Variants in TRNT1 observed in about 807,000 individuals in gnomAD.
TRNT1 encodes the protein tRNA nucleotidyl transferase 1, also known as CCA tRNA nucleotidyltransferase 1, mitochondrial.
TRNT1 carries 44 observed loss-of-function variants against 45.6 expected under a neutral mutation model. The ratio of observed to expected loss-of-function variants is 0.97; its 90% confidence interval spans 0.76 to 1.24. The LOEUF (loss-of-function observed/expected upper bound fraction) is 1.24, where lower values mean the gene tolerates loss of function less well. Ranked by LOEUF, TRNT1 falls within the 50% of genes most tolerant of loss-of-function variation. The pLI, the probability that TRNT1 is intolerant of heterozygous loss-of-function variation, is 0.00. For missense variants in TRNT1, 633 were observed against 504.4 expected (o/e 1.25, Z -2.44); for synonymous variants, 201 against 171.4 (o/e 1.17, Z -1.35).
chr3:3,133,907 A>G (rs560910447), intron 2 of TRNT1, among the ~76,000 whole-genome samples: 1 of 152,276 alleles, frequency 6.6e-6, no homozygotes, highest in Non-Finnish European at 1.5e-5. Flanking sequence ...TTAAAGCTGT[A>G]AAGGGAAGAC....
intron 1 of TRNT1, among the ~76,000 whole-genome samples, chr3:3,128,680 TG>T (rs926751209): frequency 4.6e-5 from 7 of 151,362 alleles, no homozygotes; most frequent in African/African-American, 1.5e-4. Context: ...GCAAAACTCT[TG>T]GGGGGCTTTT....
At chr3:3,141,340 TAC>T (rs138920037) in intron 4 of TRNT1, among the ~76,000 whole-genome samples, 4 of 151,756 alleles carry the variant, frequency 2.6e-5, no homozygotes, top group African/African-American at 9.7e-5. Context: ...CACACACATC[TAC>T]ACACACACAC....
rs1425845616 is a variant in TRNT1, at chr3:3,148,502, C to T, written c.*348C>T. ...AGTGGTAACTGTCTTGAAGAAAAAA[C>T]GTTTATTGTTTGTTTGCAATTGAAA... On this transcript the variant is annotated 3_prime_UTR_variant, in exon 8 of 8. Coordinates refer to ENST00000251607, the MANE Select transcript of TRNT1 (RefSeq NM_182916.3). 1.2e-5 allele frequency: 2 copies of T among 161,114 alleles called. No individual in the cohort carries two copies. Among genetic ancestry groups the T allele is most frequent in the Admixed American group, 6.3e-5 (1 of 15,940 alleles). The allele number at this position is 161,114 out of a possible 1,614,324, so 10.0% of individuals were successfully genotyped here.
At chr3:3,144,140 C>T (rs559354539) in intron 4 of TRNT1, among the ~76,000 whole-genome samples, 37 of 152,120 alleles carry the variant, frequency 2.4e-4, no homozygotes, top group Admixed American at 1.3e-4. Context: ...TTTTGTGTTG[C>T]GTTTTCTGTT....
chr3:3,148,911 C>CCTGT lies in TRNT1; in HGVS notation c.*760_*763dup, dbSNP rs761365352. The CCTGT allele has an allele frequency of 9.2e-5, 14 of 151,952 alleles. No homozygotes were observed. The East Asian group carries it at 1.2e-3, about 13-fold the overall frequency. The allele number at this position is 151,952 out of a possible 1,614,324, so 9.4% of individuals were successfully genotyped here. On this transcript the variant is annotated 3_prime_UTR_variant, in exon 8 of 8. Transcript: ENST00000251607. ...AGGTGTCATATACAATGGTAATATG[C>CCTGT]CTGTCTTTAAAGTGTTATTTTATTA...
intron 5 of TRNT1, 36 bp downstream of exon 5, chr3:3,144,746 A>G (rs774374454): frequency 3.4e-6 from 5 of 1,478,758 alleles, no homozygotes; most frequent in Non-Finnish European, 4.6e-6. Context: ...GATAGTTTTA[A>G]TATCATGACT....
At chr3:3,129,305 A>G in intron 2 of TRNT1, 117 bp downstream of exon 2, 2 of 1,030,592 alleles carry the variant, frequency 1.9e-6, no homozygotes, top group Admixed American at 5.1e-5. Flanking sequence ...ATTTTTATTA[A>G]AAAACGTAAG....
Position 3,144,677 on chromosome 3 carries a change from A to C in TRNT1, c.575A>C (p.Gln192Pro), listed in dbSNP as rs982823571. The C allele has an allele frequency of 6.4e-7, 1 of 1,559,028 alleles. No individual in the cohort carries two copies. Among genetic ancestry groups the C allele is most frequent in the Non-Finnish European group, 8.7e-7 (1 of 1,145,206 alleles). The change falls in exon 5 of 8, where the codon CAA (glutamine) becomes CCA (proline). Residue 192 changes from glutamine to proline, a missense_variant. Transcript: ENST00000251607. ...RFVGHAKQRI[Q>P]EDYLRILRYF... is the part of the protein sequence containing the mutation. ...GTTGGACATGCTAAACAGAGAATAC[A>C]AGAGGATTATCTTAGAATTTTAAGA...
chr3:3,129,924 A>G (rs1704898356), intron 2 of TRNT1: 1 of 1,550,612 alleles, frequency 6.4e-7, no homozygotes, highest in Non-Finnish European at 8.7e-7. Context: ...CCTAGGTATA[A>G]ATGCTTTCCA....
chr3:3,143,315 C>A lies in TRNT1; in HGVS notation c.482-1269C>A, dbSNP rs143025247. Among the ~76,000 whole-genome samples, 112 of 152,288 alleles carry A rather than the reference C, an allele frequency of 7.4e-4. 2 individuals carry two copies. The highest frequency in any genetic ancestry group is 3.4e-3 in the Middle Eastern group (1 of 294). On this transcript the variant is annotated intron_variant, in intron 4 of 7. Coordinates refer to ENST00000251607, the MANE Select transcript of TRNT1 (RefSeq NM_182916.3). Reference sequence around the variant, plus strand: ...GGCAAACCAGTATGAAGTGGTCACTCTACTAATTAATACTTGAGGTTTTAT... The same window carrying A: ...GGCAAACCAGTATGAAGTGGTCACTATACTAATTAATACTTGAGGTTTTAT...
chr3:3,130,600 T>G (rs1704956197), intron 2 of TRNT1: 1 of 152,450 alleles, frequency 6.6e-6, no homozygotes, highest in African/African-American at 2.4e-5. Context: ...CAATAGAAAT[T>G]TATGAGCCCA....
In TRNT1 at chr3:3,147,971, C is replaced by T; in HGVS notation, c.1122C>T (p.Leu374=). The part of the protein sequence containing the change: ...ELLKYQGEHC[L]LKEMQQWSIP... ...TGAAGTACCAAGGAGAGCACTGTCT[C>T]CTAAAGGAAATGCAGCAGTGGTCCA... The change falls in exon 8 of 8, where the codon CTC becomes CTT. Residue 374 remains leucine, a synonymous_variant. Transcript: ENST00000251607. 6.2e-7 allele frequency: 1 copy of T among 1,613,986 alleles called. No homozygotes were observed. The highest frequency in any genetic ancestry group is 1.1e-5 in the South Asian group (1 of 91,072).
intron 2 of TRNT1, among the ~76,000 whole-genome samples, chr3:3,132,651 G>A (rs1203374819): frequency 3.7e-5 from 4 of 107,200 alleles, no homozygotes; most frequent in African/African-American, 1.4e-4. Context: ...CCTGCACAAT[G>A]TGCACATGTA....
rs148892095 is a variant in TRNT1, at chr3:3,134,353, G to A, written c.149-2907G>A. On this transcript the variant is annotated intron_variant, in intron 2 of 7. Coordinates refer to ENST00000251607, the MANE Select transcript of TRNT1 (RefSeq NM_182916.3). ...CATATAGACAAATATGCCTTGATAC[G>A]TCTTTCTCAGTTGTCTTAAATGTTA... is the stretch of plus-strand genomic sequence containing the variant. Among the ~76,000 whole-genome samples the A allele has an allele frequency of 7.6e-3, 1,149 of 152,144 alleles. 12 individuals carry two copies. The highest frequency in any genetic ancestry group is 0.026 in the African/African-American group (1,078 of 41,516).
downstream of TRNT1, chr3:3,150,027 A>C (rs1223924485): frequency 6.6e-6 from 1 of 152,138 alleles, no homozygotes; most frequent in Non-Finnish European, 1.5e-5. Flanking sequence ...TTCACACTTA[A>C]GGTTTACTTA....
In TRNT1 at chr3:3,132,588, C is replaced by T. The variant is rs368891323; in HGVS notation, c.148+3400C>T. Among the ~76,000 whole-genome samples, 10 of 98,386 alleles carry T rather than the reference C, an allele frequency of 1.0e-4. No individual in the cohort carries two copies. The East Asian group carries it at 2.2e-3, about 21-fold the overall frequency. 64.5% of individuals were successfully genotyped at this position (98,386 alleles called of 152,430 possible). On this transcript the variant is annotated intron_variant, in intron 2 of 7. Coordinates refer to ENST00000251607, the MANE Select transcript of TRNT1 (RefSeq NM_182916.3). The stretch of plus-strand genomic sequence containing the variant: ...GGGAGATATACCTAATGCTAGATGA[C>T]ACGTTAGTGGGTGCAGCGCACCAGC...
chr3:3,152,169 TAGAC>T (rs1218900023), downstream of TRNT1, among the ~76,000 whole-genome samples: 130 of 108,860 alleles, frequency 1.2e-3, no homozygotes, highest in Admixed American at 2.0e-3. Context: ...TTTTTTTAAA[TAGAC>T]AGATTCTCAC....
chr3:3,151,117 T>C (rs2126047763), downstream of TRNT1: 2 of 1,524,888 alleles, frequency 1.3e-6, no homozygotes, highest in Middle Eastern at 1.7e-4. Context: ...AAACCTATCA[T>C]GAAGACAGAC....
rs771427798 is a variant in TRNT1, at chr3:3,146,595, C to G, written c.774C>G (p.Ile258Met). ...ATGTAAATCATTTGATTCACCTTAT[C>G]TATGATCTTGATGTGGCTCCTTATA... ...GNHVNHLIHL[I>M]YDLDVAPYIG... Residue 258 changes from isoleucine to methionine, a missense_variant, in exon 6 of 8, where the codon ATC becomes ATG. Transcript: ENST00000251607. 1.2e-5 allele frequency: 19 copies of G among 1,613,050 alleles called. No homozygotes were observed. Among genetic ancestry groups the G allele is most frequent in the African/African-American group, 2.7e-5 (2 of 74,998 alleles).
Sources: allele counts gnomAD v4.1 joint callset (sites outside exome capture counted in the v4.1 genomes callset), GRCh38; gene constraint gnomAD v4.1.1; transcripts MANE v1.5; gene names NCBI Gene and HGNC (gene_info 2026-07-23, HGNC 2026-07-21).